The following AMPD1 variants were observed in gnomAD, a reference collection of about 807,000 sequenced individuals.
AMPD1 encodes the protein AMP deaminase 1.
Under a neutral mutation model 82.9 loss-of-function variants are expected in AMPD1, and 74 were observed. The observed-to-expected ratio is 0.89, with a 90% CI of 0.74 to 1.08. The LOEUF (loss-of-function observed/expected upper bound fraction) is 1.08. Among genes scored for constraint, AMPD1 ranks in the 50% least tolerant of loss-of-function variants. AMPD1 has a pLI of 0.00. For missense variants in AMPD1, 881 were observed against 924.5 expected (o/e 0.95, Z 0.61); for synonymous variants, 333 against 320.5 (o/e 1.04, Z -0.42).
intron 6 of AMPD1, among the ~76,000 whole-genome samples, 178 bp downstream of exon 6, chr1:114,680,081 C>A (rs1658111544): frequency 6.6e-6 from 1 of 152,230 alleles, no homozygotes; most frequent in South Asian, 2.1e-4. Flanking sequence ...AAATAACCAC[C>A]TCACAGTGAA....
chr1:114,677,910 C>T lies in AMPD1; in HGVS notation c.1224G>A (p.Lys408=), dbSNP rs1404255777. The T allele has an allele frequency of 1.9e-6, 3 of 1,612,354 alleles. No homozygotes were observed. Among genetic ancestry groups the T allele is most frequent in the Admixed American group, 3.3e-5 (2 of 59,820 alleles). Residue 408 remains lysine, a splice_region_variant and synonymous_variant, in exon 9 of 16, where the codon AAG becomes AAA. Transcript: ENST00000520113. Reference sequence around the variant, plus strand: ...ATAGATGTGATTGGTTCCGCCTCACCTTGATGATAGTGGCAAAATATTCCC... The same window carrying T: ...ATAGATGTGATTGGTTCCGCCTCACTTTGATGATAGTGGCAAAATATTCCC... The part of the protein sequence containing the change: ...INGEYFATII[K]EVGADLVEAK...
chr1:114,678,414 C>A lies in AMPD1; in HGVS notation c.1011G>T (p.Lys337Asn), dbSNP rs750474668. The A allele has an allele frequency of 6.2e-7, 1 of 1,614,124 alleles. No homozygotes were observed. Among genetic ancestry groups the A allele is most frequent in the Non-Finnish European group, 8.5e-7 (1 of 1,180,024 alleles). Residue 337 changes from lysine (K) to asparagine (N), a missense_variant, in exon 8 of 16, where the codon AAG (lysine) becomes AAT (asparagine). By Grantham distance (94) the Lys-to-Asn change is moderately conservative (BLOSUM62 0). This residue lies in a region of AMPD1 where 783 missense variants were observed against 786.4 expected (regional missense o/e 1.00). Transcript: ENST00000520113. ...CAAAAAGTTCCTTTAGGGTCAGATTCTTCTCTTTGGTGCTATAGACCACTC... is the reference window on the plus strand; with the variant it reads ...CAAAAAGTTCCTTTAGGGTCAGATTATTCTCTTTGGTGCTATAGACCACTC... Reference protein sequence around the residue: ...ADRVVYSTKEKNLTLKELFAK... With the variant: ...ADRVVYSTKENNLTLKELFAK...
chr1:114,678,521 T>C lies in AMPD1; in HGVS notation c.904A>G (p.Thr302Ala). ...RDFYNCRKVD[T>A]HIHAAACMNQ... ...ATGCAAGCGGCTGCATGGATATGGG[T>C]GTCCACCTGTATGTATATTCAAAGA... Residue 302 changes from threonine to alanine, a missense_variant, in exon 8 of 16, where the codon ACC (threonine) becomes GCC (alanine). By Grantham distance (58) the Thr-to-Ala change is moderately conservative. Around this residue, in one of 2 missense-constraint regions of AMPD1, gnomAD observed 783 missense variants for 786.4 expected, o/e 1.00. Coordinates refer to ENST00000520113, the MANE Select transcript of AMPD1 (RefSeq NM_000036.3). The C allele has an allele frequency of 6.2e-7, 1 of 1,613,818 alleles. No individual in the cohort carries two copies. The highest frequency in any genetic ancestry group is 8.5e-7 in the Non-Finnish European group (1 of 1,179,782).
chr1:114,687,873 G>A (rs767294242), intron 3 of AMPD1, among the ~76,000 whole-genome samples: 6 of 152,078 alleles, frequency 3.9e-5, no homozygotes, highest in African/African-American at 9.7e-5. Flanking sequence ...GGTTGGCTAG[G>A]GACAGAGTCT....
At chr1:114,693,538 G>A in intron 1 of AMPD1, 91 bp from the exon 2 acceptor site, 1 of 1,133,410 alleles carries the variant, frequency 8.8e-7, no homozygotes. Context: ...GTAGACACAT[G>A]TAGATTGCTG....
At chr1:114,686,472 T>C (rs1658320218) in intron 4 of AMPD1, among the ~76,000 whole-genome samples, 1 of 152,204 alleles carries the variant, frequency 6.6e-6, no homozygotes, top group African/African-American at 2.4e-5. Flanking sequence ...TGCCAAAATC[T>C]GTCCATTGTA....
chr1:114,677,447 C>A lies in AMPD1; in HGVS notation c.1292G>T (p.Arg431Leu). The change falls in exon 10 of 16, where the codon CGC becomes CTC. Residue 431 changes from arginine to leucine, a missense_variant. Arg to Leu is a moderately radical substitution (Grantham distance 102). This residue lies in a region of AMPD1 where 783 missense variants were observed against 786.4 expected (regional missense o/e 1.00). Coordinates refer to ENST00000520113, the MANE Select transcript of AMPD1 (RefSeq NM_000036.3). Reference sequence around the variant, plus strand: ...GAGTTTGCTCCACTCATCAGGACTGCGGCCATAGATGGACAGGCGGGGCTC... The same window carrying A: ...GAGTTTGCTCCACTCATCAGGACTGAGGCCATAGATGGACAGGCGGGGCTC... Reference protein sequence around the residue: ...HAEPRLSIYGRSPDEWSKLSS... With the variant: ...HAEPRLSIYGLSPDEWSKLSS... 2 of 1,612,836 alleles carry A rather than the reference C, an allele frequency of 1.2e-6. No homozygotes were observed. The highest frequency in any genetic ancestry group is 1.7e-6 in the Non-Finnish European group (2 of 1,179,814).
chr1:114,688,712 C>T lies in AMPD1; in HGVS notation c.64G>A (p.Glu22Lys), dbSNP rs2273268. ...TTGACTTCAGAGGCAAACACTTTTT[C>T]AGCAAAGTTGCGCATTGCATCATCA... ...QIDDAMRNFA[E>K]KVFASEVKDE... The change falls in exon 3 of 16, where the codon GAA (glutamate) becomes AAA (lysine). Residue 22 changes from glutamate (E) to lysine (K), a missense_variant. By Grantham distance (56) the Glu-to-Lys change is moderately conservative. Transcript: ENST00000520113. 11 of 1,614,178 alleles carry T rather than the reference C, an allele frequency of 6.8e-6. No homozygotes were observed. The East Asian group carries it at 2.5e-4, about 36-fold the overall frequency.
rs374106894 is a variant in AMPD1 at position 114,677,522 on chromosome 1, G to A, written c.1225-8C>T. 1 of 1,613,570 alleles carries A rather than the reference G, an allele frequency of 6.2e-7. No individual in the cohort carries two copies. Among genetic ancestry groups the A allele is most frequent in the Non-Finnish European group, 8.5e-7 (1 of 1,179,954 alleles). Reference sequence around the variant, plus strand: ...CAGGTCCGCACCTACCTCCTGCAAAGCCAAGAGAGAAGTCCAAGCCAGGGA... The same window carrying A: ...CAGGTCCGCACCTACCTCCTGCAAAACCAAGAGAGAAGTCCAAGCCAGGGA... On this transcript the variant is annotated splice_region_variant and splice_polypyrimidine_tract_variant and intron_variant, in intron 9 of 15. Coordinates refer to ENST00000520113, the MANE Select transcript of AMPD1 (RefSeq NM_000036.3).
chr1:114,683,711 TG>T (rs1658229309), intron 5 of AMPD1, among the ~76,000 whole-genome samples: 1 of 152,120 alleles, frequency 6.6e-6, no homozygotes, highest in South Asian at 2.1e-4. Flanking sequence ...CACTCCAGCC[TG>T]GGCAACAGAA....
chr1:114,684,450 G>A, intron 4 of AMPD1, 86 bp from the exon 5 acceptor site: 1 of 1,409,100 alleles, frequency 7.1e-7, no homozygotes, highest in Non-Finnish European at 9.8e-7. Context: ...GCACCTCCCA[G>A]CTCTCCTGTG....
intron 10 of AMPD1, 22 bp downstream of exon 10, chr1:114,677,329 T>C (rs767501588): frequency 1.2e-5 from 19 of 1,606,704 alleles, no homozygotes; most frequent in Non-Finnish European, 1.4e-5. Flanking sequence ...GGCTCTAGAG[T>C]TTCTGATGGG....
chr1:114,692,712 A>C (rs982313965), intron 2 of AMPD1, among the ~76,000 whole-genome samples: 1 of 151,902 alleles, frequency 6.6e-6, no homozygotes, highest in Admixed American at 6.6e-5. Flanking sequence ...CAAATAAATA[A>C]AATAGGTTTT....
Position 114,673,126 on chromosome 1 carries a change from T to C in AMPD1, c.2232A>G (p.Lys744=), listed in dbSNP as rs1657879994. ...YELNLIAEGL[K]STE ...GGTTTACTTTTTTTTATTCTGTTGA[T>C]TTAAGACCCTCAGCAATTAAATTGA... The change falls in exon 16 of 16, where the codon AAA becomes AAG. Residue 744 remains lysine, a synonymous_variant. Coordinates refer to ENST00000520113, the MANE Select transcript of AMPD1 (RefSeq NM_000036.3). 6 of 1,613,940 alleles carry C rather than the reference T, an allele frequency of 3.7e-6. No homozygotes were observed. Among genetic ancestry groups the C allele is most frequent in the Non-Finnish European group, 4.2e-6 (5 of 1,179,854 alleles).
chr1:114,676,710 G>C (rs1657992818), intron 10 of AMPD1, among the ~76,000 whole-genome samples: 1 of 152,136 alleles, frequency 6.6e-6, no homozygotes. Context: ...TGGTTAAAGA[G>C]ACAGGATGAA....
intron 13 of AMPD1, 61 bp from the exon 14 acceptor site, chr1:114,674,143 A>G: frequency 1.4e-6 from 2 of 1,459,526 alleles, no homozygotes; most frequent in Non-Finnish European, 1.9e-6. Flanking sequence ...AACTAGAAAC[A>G]CTACAATCTC....
intron 5 of AMPD1, among the ~76,000 whole-genome samples, chr1:114,682,641 C>G (rs1356493380): frequency 1.3e-5 from 2 of 151,068 alleles, no homozygotes; most frequent in Non-Finnish European, 2.9e-5. Flanking sequence ...TGCAGTGGCG[C>G]GATCTCAGCT....
At chr1:114,694,047 C>T (rs1213967122) in intron 1 of AMPD1, among the ~76,000 whole-genome samples, 1 of 151,936 alleles carries the variant, frequency 6.6e-6, no homozygotes, top group Admixed American at 6.6e-5. Context: ...TGTGAAACAC[C>T]GTCTCTACTA....
rs192311271 is a variant in AMPD1, at chr1:114,674,901, G to A, written c.1680-29C>T. The A allele has an allele frequency of 4.9e-3, 7,982 of 1,613,724 alleles. 44 individuals carry two copies. The highest frequency in any genetic ancestry group is 9.6e-3 in the South Asian group (875 of 91,068). ...GGGAAATAGAACTGCTATTGGAATC[G>A]CAGGTTCTGGGTATGGAGTGATTCA... On this transcript the variant is annotated intron_variant, in intron 12 of 15. Transcript: ENST00000520113.
Sources: gnomAD v4.1 joint callset for allele counts (sites outside exome capture counted in the v4.1 genomes callset) on GRCh38, gnomAD v4.1.1 for gene constraint, gnomAD v4.1.1 regional missense constraint, MANE v1.5 for transcripts, NCBI Gene and HGNC (gene_info 2026-07-23, HGNC 2026-07-21) for gene names.